BCS1L: variants seen among roughly 807,000 people sequenced by gnomAD.
The protein encoded by BCS1L is BCS1 ubiquinol-cytochrome c reductase complex chaperone.
BCS1L carries 38 observed loss-of-function variants against 49.3 expected under a neutral mutation model. The ratio of observed to expected loss-of-function variants is 0.77; its 90% CI spans 0.59 to 1.01. The LOEUF is 1.01. Ranked by LOEUF, BCS1L falls within the 50% of genes least tolerant of loss-of-function variation. The pLI, the probability that BCS1L is intolerant of heterozygous loss-of-function variation, is 0.00. For missense variants in BCS1L, 394 were observed against 540.2 expected (o/e 0.73, Z 2.68); for synonymous variants, 193 against 210.1 (o/e 0.92, Z 0.70).
Position 218,662,191 on chromosome 2 carries a change from C to G in BCS1L, c.656-6C>G. On this transcript the variant is annotated splice_region_variant and splice_polypyrimidine_tract_variant and intron_variant, in intron 4 of 7. Coordinates refer to ENST00000359273, the MANE Select transcript of BCS1L (RefSeq NM_001079866.2). This position sits in a 1 kb window ranked among gnomAD's most constrained non-coding sequence, Gnocchi z 5.8. ...AAAGACATGATCATCCTGGCTCTAT[C>G]CCTAGGCATTCCTTACAGACGTGGC... 1 of 1,613,792 alleles carries G rather than the reference C, an allele frequency of 6.2e-7. No individual in the cohort carries two copies. The highest frequency in any genetic ancestry group is 1.7e-5 in the Admixed American group (1 of 60,010).
Position 218,662,030 on chromosome 2 carries a change from G to C in BCS1L, c.655+77G>C. 2 of 1,529,654 alleles carry C rather than the reference G, an allele frequency of 1.3e-6. No homozygotes were observed. Among genetic ancestry groups the C allele is most frequent in the Non-Finnish European group, 1.8e-6 (2 of 1,107,376 alleles). The allele number at this position is 1,529,654 out of a possible 1,614,324, so 94.8% of individuals were successfully genotyped here. A position where few individuals can be genotyped will look rare whatever the true frequency, so the allele number is the denominator to read the frequency against. On this transcript the variant is annotated intron_variant, in intron 4 of 7. Coordinates refer to ENST00000359273, the MANE Select transcript of BCS1L (RefSeq NM_001079866.2). The surrounding 1 kb of genome is among the most constrained non-coding windows in gnomAD (Gnocchi z 5.8). ...GACAGGTTGGTCTCCAGCCAGATGGGGTGATATAAAGCTCTAGTCCAATTC... is the reference window on the plus strand; with the variant it reads ...GACAGGTTGGTCTCCAGCCAGATGGCGTGATATAAAGCTCTAGTCCAATTC...
Position 218,661,095 on chromosome 2 carries a change from C to G in BCS1L, c.108C>G (p.Val36=), listed in dbSNP as rs367687518. 6.2e-7 allele frequency: 1 copy of G among 1,614,154 alleles called. No homozygotes were observed. The change falls in exon 2 of 8, where the codon GTC becomes GTG. Residue 36 remains valine, a synonymous_variant. Transcript: ENST00000359273. This position sits in a 1 kb window ranked among gnomAD's most constrained non-coding sequence, Gnocchi z 5.9. The part of the protein sequence containing the change: ...GTALALARKG[V]QLGLVAFRRH... ...CCCTGGCCCTGGCCCGGAAGGGTGT[C>G]CAACTGGGCCTGGTGGCATTCCGGC... is the stretch of plus-strand genomic sequence containing the variant.
Position 218,661,860 on chromosome 2 carries a change from C to A in BCS1L, c.562C>A (p.Leu188Met), listed in dbSNP as rs1458699500. Residue 188 changes from leucine (L) to methionine (M), a missense_variant, in exon 4 of 8, where the codon CTG becomes ATG. Physicochemically the swap from Leu to Met is conservative, Grantham distance 15. Transcript: ENST00000359273. This position sits in a 1 kb window ranked among gnomAD's most constrained non-coding sequence, Gnocchi z 5.9. Reference sequence around the variant, plus strand: ...TGGCTATCCACGCCGCCGGCGACCACTGAATTCTGTGGTTCTACAACAGGG... The same window carrying A: ...TGGCTATCCACGCCGCCGGCGACCAATGAATTCTGTGGTTCTACAACAGGG... ...PFGYPRRRRP[L>M]NSVVLQQGLA... is the part of the protein sequence containing the mutation. 3 of 1,614,240 alleles carry A rather than the reference C, an allele frequency of 1.9e-6. No homozygotes were observed. Among genetic ancestry groups the A allele is most frequent in the Non-Finnish European group, 2.5e-6 (3 of 1,180,046 alleles).
Position 218,661,922 on chromosome 2 carries a change from C to T in BCS1L, c.624C>T (p.Phe208=), listed in dbSNP as rs767193595. Residue 208 remains phenylalanine, a synonymous_variant, in exon 4 of 8, where the codon TTC becomes TTT. Transcript: ENST00000359273. The surrounding 1 kb of genome is among the most constrained non-coding windows in gnomAD (Gnocchi z 5.9). The stretch of plus-strand genomic sequence containing the variant: ...GAATTGTCAGAGACGTCCAGGAATT[C>T]ATCGATAACCCCAAGTGGTACACTG... ...ADRIVRDVQE[F]IDNPKWYTDR... is the part of the protein sequence containing the mutation. 2.5e-6 allele frequency: 4 copies of T among 1,614,070 alleles called. No homozygotes were observed. Among genetic ancestry groups the T allele is most frequent in the Non-Finnish European group, 3.4e-6 (4 of 1,179,986 alleles).
At chr2:218,660,893 T>C in intron 1 of BCS1L, 46 bp from the exon 2 acceptor site, 1 of 1,438,512 alleles carries the variant, frequency 7.0e-7, no homozygotes, top group Non-Finnish European at 9.7e-7. Flanking sequence ...GGAGGTCCAA[T>C]TTCTAATCTG....
chr2:218,660,926 T>G lies in BCS1L; in HGVS notation c.-49-13T>G. ...CTGTGCTTTGTCCCATCTCCACTGT[T>G]CCCCACCCCTAGGTTTTCGTAACAC... On this transcript the variant is annotated splice_polypyrimidine_tract_variant and intron_variant, in intron 1 of 7. Coordinates refer to ENST00000359273, the MANE Select transcript of BCS1L (RefSeq NM_001079866.2). The G allele has an allele frequency of 6.3e-7, 1 of 1,579,720 alleles. No individual in the cohort carries two copies. The highest frequency in any genetic ancestry group is 8.7e-7 in the Non-Finnish European group (1 of 1,154,026).
At position 218,663,200 on chromosome 2, in the gene BCS1L, C is replaced by A. The variant is rs752599536; in HGVS notation, c.1074C>A (p.His358Gln). ...DLKEYVGYCS[H>Q]WQLTQMFQRF... ...AGGAGTACGTGGGCTACTGCTCACA[C>A]TGGCAGCTGACCCAGATGTTCCAGA... The change falls in exon 8 of 8, where the codon CAC (histidine) becomes CAA (glutamine). Residue 358 changes from histidine (H) to glutamine (Q), a missense_variant. Transcript: ENST00000359273. 3.6e-5 allele frequency: 58 copies of A among 1,614,114 alleles called. No individual in the cohort carries two copies. In the South Asian group the frequency reaches 6.0e-4, roughly 17 times the overall value.
Position 218,661,831 on chromosome 2 carries a change from C to T in BCS1L, c.533C>T (p.Pro178Leu), listed in dbSNP as rs1939488357. ...ACAGCTGTGGGCTCTGAATGGCGTC[C>T]CTTTGGCTATCCACGCCGCCGGCGA... ...MYTAVGSEWR[P>L]FGYPRRRRPL... Residue 178 changes from proline (P) to leucine (L), a missense_variant, in exon 4 of 8, where the codon CCC becomes CTC. Pro to Leu is a moderately conservative substitution (Grantham distance 98, BLOSUM62 -3). Transcript: ENST00000359273. This position sits in a 1 kb window ranked among gnomAD's most constrained non-coding sequence, Gnocchi z 5.9. The T allele has an allele frequency of 6.2e-7, 1 of 1,614,064 alleles. No individual in the cohort carries two copies. Among genetic ancestry groups the T allele is most frequent in the African/African-American group, 1.3e-5 (1 of 74,906 alleles).
In BCS1L at chr2:218,661,515, C is replaced by A; in HGVS notation, c.430C>A (p.Arg144=). 6.2e-7 allele frequency: 1 copy of A among 1,614,142 alleles called. No individual in the cohort carries two copies. Among genetic ancestry groups the A allele is most frequent in the Non-Finnish European group, 8.5e-7 (1 of 1,180,040 alleles). ...SVTFTALGTD[R]KVFFNILEEA... is the part of the protein sequence containing the mutation. The stretch of plus-strand genomic sequence containing the variant: ...CACCTTCACGGCCCTGGGCACTGAC[C>A]GAAAGGTTTTCTTCAACATCCTGGA... Residue 144 remains arginine, a synonymous_variant, in exon 3 of 8, where the codon CGA becomes AGA. Transcript: ENST00000359273. The surrounding 1 kb of genome is among the most constrained non-coding windows in gnomAD (Gnocchi z 5.9).
rs757259048 is a variant in BCS1L, at chr2:218,661,224, C to T, written c.237C>T (p.Val79=). 7.4e-6 allele frequency: 12 copies of T among 1,614,092 alleles called. No homozygotes were observed. Among genetic ancestry groups the T allele is most frequent in the Admixed American group, 3.3e-5 (2 of 59,998 alleles). The change falls in exon 2 of 8, where the codon GTC becomes GTT. Residue 79 remains valine (V), a synonymous_variant. Transcript: ENST00000359273. The surrounding 1 kb of genome is among the most constrained non-coding windows in gnomAD (Gnocchi z 5.9). ...GTACCCGTACTCAGCACCTCAGTGT[C>T]GAGACTTCGTACCTTCAGCATGAGA... ...RHSTRTQHLS[V]ETSYLQHESG...
At position 218,661,113 on chromosome 2, in the gene BCS1L, A is replaced by G. The variant is rs144200704; in HGVS notation, c.126A>G (p.Ala42=). The G allele has an allele frequency of 3.7e-4, 605 of 1,614,088 alleles. 1 individual carries two copies. Among genetic ancestry groups the G allele is most frequent in the Non-Finnish European group, 4.7e-4 (559 of 1,180,038 alleles). The part of the protein sequence containing the change: ...ARKGVQLGLV[A]FRRHYMITLE... ...AGGGTGTCCAACTGGGCCTGGTGGC[A>G]TTCCGGCGCCATTACATGATCACAC... The change falls in exon 2 of 8, where the codon GCA becomes GCG. Residue 42 remains alanine, a synonymous_variant. Coordinates refer to ENST00000359273, the MANE Select transcript of BCS1L (RefSeq NM_001079866.2). The surrounding 1 kb of genome is among the most constrained non-coding windows in gnomAD (Gnocchi z 5.9).
In BCS1L at chr2:218,662,630, C is replaced by A. The variant is rs1939601774; in HGVS notation, c.840C>A (p.Leu280=). 6.2e-7 allele frequency: 1 copy of A among 1,614,064 alleles called. No individual in the cohort carries two copies. The highest frequency in any genetic ancestry group is 1.3e-5 in the African/African-American group (1 of 74,926). The change falls in exon 6 of 8, where the codon CTC becomes CTA. Residue 280 remains leucine, a synonymous_variant. Transcript: ENST00000359273. This position sits in a 1 kb window ranked among gnomAD's most constrained non-coding sequence, Gnocchi z 5.8. ...LSVAPQQSLV[L]LEDVDAAFLS... is the part of the protein sequence containing the mutation. ...TGGCCCCGCAGCAGAGCCTGGTACT[C>A]CTGGAGGATGTGGATGCTGCTTTTC...
chr2:218,662,351 G>T lies in BCS1L; in HGVS notation c.719+91G>T. 3.3e-6 allele frequency: 5 copies of T among 1,509,558 alleles called. No homozygotes were observed. The highest frequency in any genetic ancestry group is 4.6e-6 in the Non-Finnish European group (5 of 1,086,448). The allele number at this position is 1,509,558 out of a possible 1,614,324, so 93.5% of individuals were successfully genotyped here. A position where few individuals can be genotyped will look rare whatever the true frequency, so the allele number is the denominator to read the frequency against. ...GGTTGGAAGGGGAAATGAATCTGGGGATCGGGGACCAGGATAAACATGAAA... is the reference window on the plus strand; with the variant it reads ...GGTTGGAAGGGGAAATGAATCTGGGTATCGGGGACCAGGATAAACATGAAA... On this transcript the variant is annotated intron_variant, in intron 5 of 7. Coordinates refer to ENST00000359273, the MANE Select transcript of BCS1L (RefSeq NM_001079866.2). This position sits in a 1 kb window ranked among gnomAD's most constrained non-coding sequence, Gnocchi z 5.8.
chr2:218,662,137 G>T lies in BCS1L; in HGVS notation c.656-60G>T. The T allele has an allele frequency of 1.9e-6, 3 of 1,566,704 alleles. No individual in the cohort carries two copies. Among genetic ancestry groups the T allele is most frequent in the Admixed American group, 1.7e-5 (1 of 59,942 alleles). On this transcript the variant is annotated intron_variant, in intron 4 of 7. Coordinates refer to ENST00000359273, the MANE Select transcript of BCS1L (RefSeq NM_001079866.2). The surrounding 1 kb of genome is among the most constrained non-coding windows in gnomAD (Gnocchi z 5.8). Reference sequence around the variant, plus strand: ...GGTTATCAGGCTTCCAGGGGGCAGGGCTGGGAATGAACGTAGATATCCGGG... The same window carrying T: ...GGTTATCAGGCTTCCAGGGGGCAGGTCTGGGAATGAACGTAGATATCCGGG...
intron 1 of BCS1L, chr2:218,660,144 C>G (rs985847027): frequency 6.6e-6 from 1 of 152,274 alleles, no homozygotes; most frequent in African/African-American, 2.4e-5. Flanking sequence ...GCCAAGAGCA[C>G]TGCATGAGCA....
rs565819523 is a variant in BCS1L at position 218,662,718 on chromosome 2, G to A, written c.889+39G>A. ...TCTGGAGGAAGTGGAGTGGGTAACTGTGGAACAGGGGAAGAAAGCAGAAAT... is the reference window on the plus strand; with the variant it reads ...TCTGGAGGAAGTGGAGTGGGTAACTATGGAACAGGGGAAGAAAGCAGAAAT... On this transcript the variant is annotated intron_variant, in intron 6 of 7. Coordinates refer to ENST00000359273, the MANE Select transcript of BCS1L (RefSeq NM_001079866.2). The surrounding 1 kb of genome is among the most constrained non-coding windows in gnomAD (Gnocchi z 5.8). The A allele has an allele frequency of 3.7e-6, 6 of 1,613,800 alleles. No homozygotes were observed. The highest frequency in any genetic ancestry group is 5.1e-6 in the Non-Finnish European group (6 of 1,179,918).
At chr2:218,659,066 A>G (rs1938975242), upstream of BCS1L, 1 of 152,198 alleles carries the variant, frequency 6.6e-6, no homozygotes, top group African/African-American at 2.4e-5. The surrounding 1 kb of genome is among the most constrained non-coding windows in gnomAD (Gnocchi z 4.4). Flanking sequence ...CAGTGTCCAC[A>G]TCGTCGGGCA....
Position 218,662,244 on chromosome 2 carries a change from G to C in BCS1L, c.703G>C (p.Gly235Arg), listed in dbSNP as rs368486097. ...GYLLYGPPGC[G>R]KSSFITALAG... ...CCTGCTTTATGGGCCCCCTGGTTGC[G>C]GAAAGAGCAGTTTTATGTGAGTATT... The change falls in exon 5 of 8, where the codon GGA (glycine) becomes CGA (arginine). Residue 235 changes from glycine (G) to arginine (R), a missense_variant. Gly to Arg is a moderately radical substitution (Grantham distance 125, BLOSUM62 -2). Transcript: ENST00000359273. The surrounding 1 kb of genome is among the most constrained non-coding windows in gnomAD (Gnocchi z 5.8). 2.1e-5 allele frequency: 34 copies of C among 1,613,914 alleles called. No homozygotes were observed. The highest frequency in any genetic ancestry group is 4.0e-5 in the African/African-American group (3 of 74,902).
rs774076186 is a variant in BCS1L, at chr2:218,662,972, G to A, written c.979G>A (p.Val327Met). ...TGTGGCTTCCACCGAGGCCCGCATC[G>A]TGTTCATGACCACCAACCACGTTGA... ...DGVASTEARI[V>M]FMTTNHVDRL... The change falls in exon 7 of 8, where the codon GTG (valine) becomes ATG (methionine). Residue 327 changes from valine to methionine, a missense_variant. Physicochemically the swap from Val to Met is conservative, Grantham distance 21 (BLOSUM62 1). Coordinates refer to ENST00000359273, the MANE Select transcript of BCS1L (RefSeq NM_001079866.2). This position sits in a 1 kb window ranked among gnomAD's most constrained non-coding sequence, Gnocchi z 5.8. 2.2e-5 allele frequency: 35 copies of A among 1,613,762 alleles called. No individual in the cohort carries two copies. Among genetic ancestry groups the A allele is most frequent in the Middle Eastern group, 3.3e-4 (2 of 6,084 alleles).
Sources: allele counts gnomAD v4.1 joint callset, GRCh38; gene constraint gnomAD v4.1.1; non-coding constraint Gnocchi (gnomAD v3.1); transcripts MANE v1.5; gene names NCBI Gene and HGNC (gene_info 2026-07-23, HGNC 2026-07-21).